The following GALNTL6 variants were observed in gnomAD, a reference collection of about 807,000 sequenced individuals.
The protein encoded by GALNTL6 is polypeptide N-acetylgalactosaminyltransferase like 6.
In GALNTL6, 46 loss-of-function variants were observed where a neutral mutation model predicts 73.7. That is an observed-to-expected ratio of 0.62 (90% confidence interval 0.49 to 0.80). GALNTL6 has a LOEUF of 0.80. Among genes scored for constraint, GALNTL6 ranks in the 30% least tolerant of loss-of-function variants. The pLI is 0.00. For missense variants in GALNTL6, 604 were observed against 755.0 expected (o/e 0.80, Z 2.34); for synonymous variants, 259 against 263.7 (o/e 0.98, Z 0.17).
chr4:171,945,145 A>C (rs1738665393), intron 2 of GALNTL6, among the ~76,000 whole-genome samples: 1 of 152,064 alleles, frequency 6.6e-6, no homozygotes, highest in Admixed American at 6.6e-5. Context: ...TGTTTAAAAA[A>C]CATAAAATTT....
At chr4:172,216,193 AT>A (rs1480232383) in intron 2 of GALNTL6, among the ~76,000 whole-genome samples, 1 of 151,970 alleles carries the variant, frequency 6.6e-6, no homozygotes, top group Non-Finnish European at 1.5e-5. Flanking sequence ...GTCCCTGAAG[AT>A]TTTCTTTTAA....
chr4:171,903,546 A>AGGCGGCAGCGAGGCTGGGGGAGG (rs1384540829), intron 2 of GALNTL6, among the ~76,000 whole-genome samples: 90 of 150,042 alleles, frequency 6.0e-4, no homozygotes, highest in African/African-American at 2.1e-3. Flanking sequence ...TCAAACTGCA[A>AGGCGGCAGCGAGGCTGGGGGAGG]GGCGGCAGCG....
chr4:172,795,571 G>T (rs956537242), intron 5 of GALNTL6, among the ~76,000 whole-genome samples: 8 of 152,020 alleles, frequency 5.3e-5, no homozygotes, highest in African/African-American at 1.9e-4. Context: ...TACATAGTAG[G>T]TATATATATT....
intron 8 of GALNTL6, among the ~76,000 whole-genome samples, chr4:172,917,271 G>A (rs1468938210): frequency 7.4e-5 from 9 of 121,954 alleles, no homozygotes; most frequent in Non-Finnish European, 1.1e-4. Flanking sequence ...AGACTTAAAT[G>A]TTAGACCTAA....
intron 2 of GALNTL6, among the ~76,000 whole-genome samples, chr4:171,888,438 G>C (rs751673006): frequency 4.6e-5 from 7 of 151,234 alleles, no homozygotes; most frequent in Non-Finnish European, 1.0e-4. Flanking sequence ...GGTTGTAGCA[G>C]TTTTGATAAC....
chr4:172,078,392 C>T (rs543174212), intron 2 of GALNTL6, among the ~76,000 whole-genome samples: 2 of 152,252 alleles, frequency 1.3e-5, no homozygotes, highest in African/African-American at 2.4e-5. Context: ...GCCTCCCTGT[C>T]ATGCTGTTAA....
chr4:172,993,155 G>A lies in GALNTL6; in HGVS notation c.1372-16023G>A, dbSNP rs547114138. Among the ~76,000 whole-genome samples, 31 of 152,300 alleles carry A rather than the reference G, an allele frequency of 2.0e-4. 1 individual carries two copies. The highest frequency in any genetic ancestry group is 1.9e-3 in the South Asian group (9 of 4,824). ...CCCCAATTGTCTGTGTTTGAAGATAGGGTGTTTAGAAAGTGAAACAGGTCC... is the reference window on the plus strand; with the variant it reads ...CCCCAATTGTCTGTGTTTGAAGATAAGGTGTTTAGAAAGTGAAACAGGTCC... On this transcript the variant is annotated intron_variant, in intron 10 of 12. Coordinates refer to ENST00000506823, the MANE Select transcript of GALNTL6 (RefSeq NM_001034845.3).
At chr4:172,186,499 G>A (rs1735418578) in intron 2 of GALNTL6, among the ~76,000 whole-genome samples, 1 of 152,016 alleles carries the variant, frequency 6.6e-6, no homozygotes, top group African/African-American at 2.4e-5. Flanking sequence ...GTCAAAGAGT[G>A]GAAGCAGCTC....
chr4:171,833,420 TAGAATC>T (rs1303155120), intron 2 of GALNTL6, among the ~76,000 whole-genome samples: 1 of 151,720 alleles, frequency 6.6e-6, no homozygotes, highest in Non-Finnish European at 1.5e-5. Context: ...AAGAATAAAA[TAGAATC>T]AGAGGAAAAA....
chr4:172,219,903 G>A (rs527669956), intron 2 of GALNTL6, among the ~76,000 whole-genome samples: 12 of 152,000 alleles, frequency 7.9e-5, no homozygotes, highest in African/African-American at 1.4e-4. Context: ...GCTTACCCAC[G>A]TAAGAACCAA....
intron 8 of GALNTL6, among the ~76,000 whole-genome samples, chr4:172,886,963 C>A (rs1200130583): frequency 1.3e-5 from 2 of 152,096 alleles, no homozygotes; most frequent in Non-Finnish European, 2.9e-5. Context: ...ACAGGTAGTT[C>A]TTTAGCCATT....
At chr4:172,530,024 G>A (rs961934043) in intron 5 of GALNTL6, among the ~76,000 whole-genome samples, 36 of 151,918 alleles carry the variant, frequency 2.4e-4, no homozygotes, top group African/African-American at 8.5e-4. Flanking sequence ...TTACAGGCAT[G>A]AGCCACCACG....
At chr4:172,169,952 T>G (rs2110817434) in intron 2 of GALNTL6, among the ~76,000 whole-genome samples, 1 of 152,294 alleles carries the variant, frequency 6.6e-6, no homozygotes, top group South Asian at 2.1e-4. Context: ...TCTATTGTCT[T>G]CATTTGACAG....
chr4:172,205,593 C>T (rs1245957962), intron 2 of GALNTL6, among the ~76,000 whole-genome samples: 4 of 152,194 alleles, frequency 2.6e-5, no homozygotes, highest in Non-Finnish European at 5.9e-5. Context: ...TCCTTTTGTT[C>T]CATAATCCCT....
intron 2 of GALNTL6, among the ~76,000 whole-genome samples, chr4:171,926,551 G>T (rs896611584): frequency 1.3e-5 from 2 of 152,072 alleles, no homozygotes; most frequent in Admixed American, 1.3e-4. Flanking sequence ...TAGGAATCCA[G>T]AACACATTCC....
chr4:171,868,881 A>T (rs964208070), intron 2 of GALNTL6, among the ~76,000 whole-genome samples: 1 of 151,918 alleles, frequency 6.6e-6, no homozygotes, highest in African/African-American at 2.4e-5. Context: ...GGGTTTCACC[A>T]TGTTGGCCAG....
At chr4:172,365,952 AAGC>A (rs1742545334) in intron 5 of GALNTL6, among the ~76,000 whole-genome samples, 1 of 152,190 alleles carries the variant, frequency 6.6e-6, no homozygotes, top group Admixed American at 6.5e-5. Context: ...AACTGTAAAA[AAGC>A]AGCAATTCAT....
intron 2 of GALNTL6, among the ~76,000 whole-genome samples, chr4:172,065,714 G>A (rs1484078485): frequency 6.6e-6 from 1 of 152,094 alleles, no homozygotes; most frequent in Non-Finnish European, 1.5e-5. Context: ...CCAGACATTG[G>A]CTAATTTATA....
At chr4:172,689,891 A>G (rs964157649) in intron 5 of GALNTL6, among the ~76,000 whole-genome samples, 1 of 151,990 alleles carries the variant, frequency 6.6e-6, no homozygotes, top group Non-Finnish European at 1.5e-5. Flanking sequence ...TCTTTCAGCT[A>G]AAGCTCGTGA....
Sources: allele counts gnomAD v4.1 joint callset (sites outside exome capture counted in the v4.1 genomes callset), GRCh38; gene constraint gnomAD v4.1.1; transcripts MANE v1.5; gene names NCBI Gene and HGNC (gene_info 2026-07-23, HGNC 2026-07-21).